The following RALYL variants were observed in gnomAD, a reference collection of about 807,000 sequenced individuals.
RALYL encodes RNA-binding Raly-like protein.
RALYL carries 29 observed loss-of-function variants against 35.1 expected under a neutral mutation model. The ratio of observed to expected loss-of-function variants is 0.83; its 90% CI spans 0.61 to 1.13. The LOEUF (loss-of-function observed/expected upper bound fraction) is 1.13. Among genes scored for constraint, RALYL ranks in the 50% most tolerant of loss-of-function variants. The pLI is 0.00. For missense variants in RALYL, 359 were observed against 360.4 expected (o/e 1.00, Z 0.03); for synonymous variants, 120 against 127.6 (o/e 0.94, Z 0.40).
intron 4 of RALYL, among the ~76,000 whole-genome samples, chr8:84,828,089 G>A (rs1255925586): frequency 1.3e-5 from 2 of 152,014 alleles, no homozygotes; most frequent in Non-Finnish European, 1.5e-5. Flanking sequence ...CACTAGATTT[G>A]TATAATAACT....
At chr8:84,505,318 T>C (rs1278213155) in intron 1 of RALYL, among the ~76,000 whole-genome samples, 1 of 152,186 alleles carries the variant, frequency 6.6e-6, no homozygotes, top group Non-Finnish European at 1.5e-5. Flanking sequence ...TGCTCCTTTA[T>C]GTTTATATGT....
At chr8:84,764,075 G>A (rs775276390) in intron 2 of RALYL, among the ~76,000 whole-genome samples, 2 of 152,312 alleles carry the variant, frequency 1.3e-5, no homozygotes, top group Non-Finnish European at 2.9e-5. Context: ...GGTAGATGTG[G>A]TTCGATAAAA....
At position 84,804,737 on chromosome 8, in the gene RALYL, A is replaced by G. The variant is rs376315589; in HGVS notation, c.333-33A>G. On this transcript the variant is annotated intron_variant, in intron 3 of 8. Transcript: ENST00000521268. ...ATTTTTGAATATACAGCAAATTTTT[A>G]TATTAAAAGAAAATTTTCATATTTT... The G allele has an allele frequency of 7.3e-5, 81 of 1,104,274 alleles. 1 individual carries two copies. The East Asian group carries it at 1.9e-3, about 26-fold the overall frequency. 68.4% of individuals were successfully genotyped at this position (1,104,274 alleles called of 1,614,324 possible). A position where few individuals can be genotyped will look rare whatever the true frequency, so the allele number is the denominator to read the frequency against.
At chr8:84,875,035 G>T (rs1412957530) in intron 7 of RALYL, among the ~76,000 whole-genome samples, 2 of 125,488 alleles carry the variant, frequency 1.6e-5, no homozygotes. Flanking sequence ...CTTAATTAAA[G>T]ATTTCTATTA....
Position 84,529,369 on chromosome 8 carries a change from C to G in RALYL, c.48C>G (p.Pro16=), listed in dbSNP as rs2059121467. 1 of 1,602,796 alleles carries G rather than the reference C, an allele frequency of 6.2e-7. No homozygotes were observed. The highest frequency in any genetic ancestry group is 1.7e-5 in the Admixed American group (1 of 58,264). The change falls in exon 2 of 9, where the codon CCC becomes CCG. Residue 16 remains proline (P), a synonymous_variant. Coordinates refer to ENST00000521268, the MANE Select transcript of RALYL (RefSeq NM_173848.7). ...GCAACGTCACCAATAAGAATGACCC[C>G]AAGTCCATCAACTCCCGTGTTTTCA... is the stretch of plus-strand genomic sequence containing the variant. The part of the protein sequence containing the change: ...QTSNVTNKND[P]KSINSRVFIG...
intron 2 of RALYL, among the ~76,000 whole-genome samples, chr8:84,748,861 A>G (rs1490723158): frequency 2.0e-5 from 3 of 152,088 alleles, no homozygotes; most frequent in Non-Finnish European, 4.4e-5. Context: ...AAAAATATCA[A>G]CGAGCCGGCA....
intron 2 of RALYL, among the ~76,000 whole-genome samples, chr8:84,627,284 C>A (rs1219161577): frequency 1.3e-5 from 2 of 151,028 alleles, no homozygotes; most frequent in Non-Finnish European, 2.9e-5. Context: ...TCTCTTAGAC[C>A]ATGATAATTT....
chr8:84,482,662 T>C (rs913301149), intron 1 of RALYL, among the ~76,000 whole-genome samples: 22 of 152,082 alleles, frequency 1.4e-4, no homozygotes, highest in African/African-American at 5.1e-4. Flanking sequence ...TATATGTTTT[T>C]CAGTAGTCTT....
chr8:84,558,610 T>C (rs1460844367), intron 2 of RALYL, among the ~76,000 whole-genome samples: 1 of 152,164 alleles, frequency 6.6e-6, no homozygotes, highest in African/African-American at 2.4e-5. Flanking sequence ...TTCTGTGGAT[T>C]TAATTTATTT....
intron 2 of RALYL, among the ~76,000 whole-genome samples, chr8:84,774,037 G>C (rs944235481): frequency 6.6e-6 from 1 of 152,050 alleles, no homozygotes; most frequent in Non-Finnish European, 1.5e-5. Context: ...GGGCCTCCTA[G>C]CCAGACCTCA....
rs975969629 is a variant in RALYL at position 84,840,169 on chromosome 8, C to T, written c.366-9811C>T. Among the ~76,000 whole-genome samples the T allele has an allele frequency of 2.1e-4, 32 of 151,752 alleles. 1 individual carries two copies. Among genetic ancestry groups the T allele is most frequent in the Middle Eastern group, 3.2e-3 (1 of 316 alleles). ...AAGGCTTCAGACGATCAAACTACTC[C>T]GAGCTAAAGGAGGAAGTTTGAACCC... On this transcript the variant is annotated intron_variant, in intron 4 of 8. Transcript: ENST00000521268.
Position 84,476,136 on chromosome 8 carries a change from A to G in RALYL, c.-23-53163A>G, listed in dbSNP as rs570150627. ...GGAACATTTCATAAGGAAAATTGCC[A>G]GTAAAGAAATAAGGTAGTAGAGAAG... On this transcript the variant is annotated intron_variant, in intron 1 of 8. Transcript: ENST00000521268. 8.5e-5 allele frequency among the ~76,000 whole-genome samples: 13 copies of G among 152,334 alleles called. 1 individual carries two copies. The South Asian group carries it at 2.5e-3, about 29-fold the overall frequency.
intron 1 of RALYL, among the ~76,000 whole-genome samples, chr8:84,285,285 A>G (rs886765290): frequency 2.4e-4 from 37 of 152,332 alleles, no homozygotes; most frequent in Middle Eastern, 3.4e-3. Context: ...GAGTTCAAAG[A>G]TCTAAAAAGT....
At chr8:84,368,846 A>T (rs1855094466) in intron 1 of RALYL, among the ~76,000 whole-genome samples, 1 of 152,190 alleles carries the variant, frequency 6.6e-6, no homozygotes, top group South Asian at 2.1e-4. Flanking sequence ...AGCAACCCAT[A>T]ATCAAAGAAA....
chr8:84,824,180 C>A (rs1374142025), intron 4 of RALYL, among the ~76,000 whole-genome samples: 1 of 151,014 alleles, frequency 6.6e-6, no homozygotes, highest in Non-Finnish European at 1.5e-5. Context: ...AATCAGTGTA[C>A]AAAAATCAGT....
chr8:84,435,783 C>A (rs2132808634), intron 1 of RALYL, among the ~76,000 whole-genome samples: 1 of 152,246 alleles, frequency 6.6e-6, no homozygotes, highest in East Asian at 1.9e-4. Context: ...TTGGCCTTTT[C>A]TTTCACTCCT....
chr8:84,774,827 T>A (rs1196630641), intron 3 of RALYL, among the ~76,000 whole-genome samples, 173 bp downstream of exon 3: 1 of 152,236 alleles, frequency 6.6e-6, no homozygotes, highest in African/African-American at 2.4e-5. Context: ...TTGGCAAGGA[T>A]CTCAATGCCT....
At chr8:84,911,665 AC>A in intron 8 of RALYL, among the ~76,000 whole-genome samples, 1 of 152,026 alleles carries the variant, frequency 6.6e-6, no homozygotes, top group South Asian at 2.1e-4. Context: ...GTCCCACAAG[AC>A]CACCCTTCCC....
At chr8:84,659,740 G>A (rs1383580014) in intron 2 of RALYL, among the ~76,000 whole-genome samples, 1 of 152,094 alleles carries the variant, frequency 6.6e-6, no homozygotes, top group Non-Finnish European at 1.5e-5. Context: ...ATCATGTATT[G>A]CTTTTGCCAT....
Sources: gnomAD v4.1 joint callset for allele counts (sites outside exome capture counted in the v4.1 genomes callset) on GRCh38, gnomAD v4.1.1 for gene constraint, MANE v1.5 for transcripts, NCBI Gene and HGNC (gene_info 2026-07-23, HGNC 2026-07-21) for gene names.